CRACR2A: variants seen among roughly 807,000 people sequenced by gnomAD.
The protein encoded by CRACR2A is EF-hand calcium-binding domain-containing protein 4B.
CRACR2A carries 79 observed loss-of-function variants against 90.5 expected under a neutral mutation model. The observed-to-expected ratio is 0.87, with a 90% CI of 0.73 to 1.05. CRACR2A has a LOEUF of 1.05. Ranked by LOEUF, CRACR2A falls within the 50% of genes least tolerant of loss-of-function variation. CRACR2A has a pLI of 0.00. For missense variants in CRACR2A, 823 were observed against 897.2 expected (o/e 0.92, Z 1.06); for synonymous variants, 338 against 356.7 (o/e 0.95, Z 0.59).
At chr12:3,618,785 T>C (rs1189269716) in intron 18 of CRACR2A, among the ~76,000 whole-genome samples, 2 of 152,194 alleles carry the variant, frequency 1.3e-5, no homozygotes, top group Non-Finnish European at 1.5e-5. Flanking sequence ...CCATGCTTTT[T>C]AATGGTAGGT....
intron 4 of CRACR2A, among the ~76,000 whole-genome samples, chr12:3,686,824 TA>T (rs1253677358): frequency 1.3e-5 from 2 of 152,176 alleles, no homozygotes; most frequent in Non-Finnish European, 2.9e-5. Context: ...GAGGACTCTC[TA>T]AACTTGGTTC....
intron 4 of CRACR2A, among the ~76,000 whole-genome samples, chr12:3,693,340 G>C (rs965183309): frequency 1.3e-5 from 2 of 152,182 alleles, no homozygotes; most frequent in Non-Finnish European, 2.9e-5. Flanking sequence ...ATCCAGGCTG[G>C]GTCCCTCAGA....
intron 14 of CRACR2A, among the ~76,000 whole-genome samples, chr12:3,636,715 T>C: frequency 6.6e-6 from 1 of 151,420 alleles, no homozygotes; most frequent in East Asian, 1.9e-4. Flanking sequence ...TTGAAGGGGA[T>C]GTGGAAGGGC....
chr12:3,721,570 G>C (rs540384831), intron 2 of CRACR2A, among the ~76,000 whole-genome samples: 1 of 133,516 alleles, frequency 7.5e-6, no homozygotes, highest in East Asian at 2.1e-4. Flanking sequence ...GGGCAACAGA[G>C]TCTCAATCAT....
At chr12:3,699,369 T>C (rs541952392) in intron 3 of CRACR2A, among the ~76,000 whole-genome samples, 55 of 152,284 alleles carry the variant, frequency 3.6e-4, no homozygotes, top group African/African-American at 9.9e-4. Context: ...TGTGAAATAG[T>C]GTTAGGTGAA....
intron 1 of CRACR2A, among the ~76,000 whole-genome samples, chr12:3,739,566 C>T (rs769298906): frequency 1.8e-4 from 28 of 152,232 alleles, no homozygotes; most frequent in Admixed American, 3.3e-4. Context: ...AATATGAACT[C>T]GTGTTCAGCA....
chr12:3,637,720 G>A (rs991925088), intron 14 of CRACR2A, among the ~76,000 whole-genome samples: 25 of 152,014 alleles, frequency 1.6e-4, no homozygotes, highest in African/African-American at 6.0e-4. Flanking sequence ...TAGATTGTAT[G>A]ACCCGACCCC....
chr12:3,742,557 A>G (rs1028827440), intron 1 of CRACR2A, among the ~76,000 whole-genome samples: 3 of 152,212 alleles, frequency 2.0e-5, no homozygotes, highest in African/African-American at 7.2e-5. Context: ...GAGAAATCTC[A>G]CTTCCTTCTA....
chr12:3,627,768 A>G, intron 15 of CRACR2A, 62 bp from the exon 16 acceptor site: 3 of 1,464,822 alleles, frequency 2.0e-6, no homozygotes, highest in Non-Finnish European at 2.8e-6. Flanking sequence ...CTTCCAAATC[A>G]GGAAACAATG....
intron 18 of CRACR2A, among the ~76,000 whole-genome samples, chr12:3,618,819 A>G (rs1454656827): frequency 1.5e-4 from 23 of 152,188 alleles, no homozygotes; most frequent in Non-Finnish European, 4.4e-5. Context: ...TCCTGAGTTT[A>G]TCTTGAGTTC....
At chr12:3,736,485 T>G (rs187832085) in intron 1 of CRACR2A, among the ~76,000 whole-genome samples, 6 of 152,032 alleles carry the variant, frequency 3.9e-5, no homozygotes, top group African/African-American at 1.4e-4. Flanking sequence ...GCATTTAGGA[T>G]GCAGTGAGAG....
At chr12:3,713,827 C>T (rs560606134) in intron 2 of CRACR2A, among the ~76,000 whole-genome samples, 5 of 152,156 alleles carry the variant, frequency 3.3e-5, no homozygotes, top group African/African-American at 4.8e-5. Context: ...AGCTGAAAAA[C>T]GATGGAGGAG....
rs147123366 is a variant in CRACR2A, at chr12:3,719,696, C to T, written c.-117-6379G>A. The stretch of plus-strand genomic sequence containing the variant: ...TACCATATTCTTTCAAGAAAAAAGA[C>T]ATCTAAATAACAAAAATCCTGCCAT... On this transcript the variant is annotated intron_variant, in intron 2 of 19. Transcript: ENST00000440314. Among the ~76,000 whole-genome samples the T allele has an allele frequency of 4.2e-4, 64 of 152,276 alleles. 2 individuals are homozygous for T. In the East Asian group the frequency reaches 0.011, roughly 27 times the overall value.
At chr12:3,667,302 C>A (rs1245675150) in intron 7 of CRACR2A, among the ~76,000 whole-genome samples, 1 of 152,196 alleles carries the variant, frequency 6.6e-6, no homozygotes, top group African/African-American at 2.4e-5. Context: ...ATGTCTGGCC[C>A]AGCAGCCTAG....
intron 4 of CRACR2A, among the ~76,000 whole-genome samples, chr12:3,680,981 G>A (rs242012): frequency 0.6 from 90,647 of 152,186 alleles, 27,209 homozygotes; most frequent in Non-Finnish European, 0.62. Context: ...AAGGAAGTAC[G>A]TGGCAGAGCC....
At chr12:3,688,447 T>C (rs796437908) in intron 4 of CRACR2A, among the ~76,000 whole-genome samples, 12 of 152,266 alleles carry the variant, frequency 7.9e-5, no homozygotes, top group African/African-American at 2.9e-4. Context: ...GAATAGGGAG[T>C]CCTTTCCCCA....
chr12:3,632,633 A>T (rs1944394640), intron 15 of CRACR2A, among the ~76,000 whole-genome samples: 1 of 152,310 alleles, frequency 6.6e-6, no homozygotes, highest in Non-Finnish European at 1.5e-5. Flanking sequence ...GTTGAGGGGA[A>T]GGTATCAGCA....
intron 10 of CRACR2A, among the ~76,000 whole-genome samples, chr12:3,653,142 C>A (rs1045624853): frequency 2.6e-5 from 4 of 152,170 alleles, no homozygotes; most frequent in African/African-American, 7.2e-5. Flanking sequence ...GCCATCATGC[C>A]TGGCTAATTT....
intron 1 of CRACR2A, among the ~76,000 whole-genome samples, chr12:3,752,303 C>T (rs1046800016): frequency 6.6e-6 from 1 of 151,980 alleles, no homozygotes; most frequent in African/African-American, 2.4e-5. Context: ...CCCGTGCATG[C>T]ATGGGTGCAC....
Sources: gnomAD v4.1 joint callset for allele counts (sites outside exome capture counted in the v4.1 genomes callset) on GRCh38, gnomAD v4.1.1 for gene constraint, MANE v1.5 for transcripts, NCBI Gene and HGNC (gene_info 2026-07-23, HGNC 2026-07-21) for gene names.